The following SETDB1 variants were observed in gnomAD, a reference collection of about 807,000 sequenced individuals.
SETDB1 encodes SET domain bifurcated histone lysine methyltransferase 1, also known as histone-lysine N-methyltransferase SETDB1.
A neutral mutation model predicts 137.4 loss-of-function variants in SETDB1; 31 were observed. The observed-to-expected ratio is 0.23, with a 90% CI of 0.17 to 0.30. SETDB1 has a LOEUF of 0.30. Among genes scored for constraint, SETDB1 ranks in the 10% least tolerant of loss-of-function variants. The pLI is 1.00. For missense variants in SETDB1, 1,113 were observed against 1,631.5 expected (o/e 0.68, Z 5.47); for synonymous variants, 548 against 579.9 (o/e 0.95, Z 0.79).
chr1:150,952,848 T>C (rs1670531656), intron 14 of SETDB1, among the ~76,000 whole-genome samples: 1 of 151,984 alleles, frequency 6.6e-6, no homozygotes, highest in Non-Finnish European at 1.5e-5. Flanking sequence ...GATCGCACCA[T>C]TGCACTCCAG....
chr1:150,940,026 G>T (rs749055315), intron 4 of SETDB1, 52 bp downstream of exon 4: 15 of 1,456,650 alleles, frequency 1.0e-5, no homozygotes, highest in Non-Finnish European at 5.8e-6. Context: ...GAAAATAGGA[G>T]AATTTTTTGG....
intron 3 of SETDB1, among the ~76,000 whole-genome samples, chr1:150,931,150 C>T (rs1432865986): frequency 6.7e-6 from 1 of 149,784 alleles, no homozygotes; most frequent in African/African-American, 2.5e-5. Context: ...ATCCCAGCTA[C>T]TTGGGAGGCT....
At chr1:150,943,887 C>G (rs761251528) in intron 7 of SETDB1, 33 bp from the exon 8 acceptor site, 2 of 1,329,490 alleles carry the variant, frequency 1.5e-6, no homozygotes, top group African/African-American at 2.9e-5. Context: ...ATCATAACCC[C>G]CAGATCTTTC....
chr1:150,964,674 G>T lies in SETDB1; in HGVS notation c.*310G>T, dbSNP rs1313398252. The T allele has an allele frequency of 1.7e-6, 1 of 598,978 alleles. No individual in the cohort carries two copies. The highest frequency in any genetic ancestry group is 3.0e-6 in the Non-Finnish European group (1 of 336,536). The allele number at this position is 598,978 out of a possible 1,614,324, so 37.1% of individuals were successfully genotyped here. ...AGACTTTGTTCTTAGAATGGAGCCT[G>T]TGTATCTACTATCTCCAGTTTGTAT... On this transcript the variant is annotated 3_prime_UTR_variant, in exon 22 of 22. Transcript: ENST00000692827.
chr1:150,948,280 T>C (rs1670388026), intron 10 of SETDB1, among the ~76,000 whole-genome samples: 1 of 151,254 alleles, frequency 6.6e-6, no homozygotes, highest in South Asian at 2.1e-4. Flanking sequence ...ATTTTTTTTT[T>C]TTTTTTTTGA....
chr1:150,942,012 C>T (rs587715544), intron 5 of SETDB1, among the ~76,000 whole-genome samples: 2 of 151,772 alleles, frequency 1.3e-5, no homozygotes, highest in Non-Finnish European at 2.9e-5. Flanking sequence ...TGGTGGCGCA[C>T]GCCTGTAATC....
chr1:150,953,702 G>A (rs910644450), intron 14 of SETDB1, among the ~76,000 whole-genome samples: 3 of 151,776 alleles, frequency 2.0e-5, no homozygotes, highest in Non-Finnish European at 2.9e-5. Context: ...GATTGTGCAC[G>A]CCTGTAATCT....
At position 150,928,111 on chromosome 1, in the gene SETDB1, G is replaced by A. The variant is rs934381938; in HGVS notation, c.260+137G>A. On this transcript the variant is annotated intron_variant, in intron 2 of 21. Transcript: ENST00000692827. Reference sequence around the variant, plus strand: ...CTCGCTCTGTCACCCAAGCTAGAGTGCAGTGGAGTGATCCTGGCTCACTGC... The same window carrying A: ...CTCGCTCTGTCACCCAAGCTAGAGTACAGTGGAGTGATCCTGGCTCACTGC... The A allele has an allele frequency of 3.9e-5, 39 of 1,009,538 alleles. No homozygotes were observed. The African/African-American group carries it at 4.9e-4, about 13-fold the overall frequency. 62.5% of individuals were successfully genotyped at this position (1,009,538 alleles called of 1,614,324 possible). A position where few individuals can be genotyped will look rare whatever the true frequency, so the allele number is the denominator to read the frequency against.
chr1:150,959,522 G>A (rs756720572), intron 15 of SETDB1, among the ~76,000 whole-genome samples, 175 bp downstream of exon 15: 20 of 152,080 alleles, frequency 1.3e-4, no homozygotes, highest in Non-Finnish European at 2.6e-4. Context: ...AGACCAGAGA[G>A]GGACACAAGT....
At position 150,963,622 on chromosome 1, in the gene SETDB1, T is replaced by C; in HGVS notation, c.3553T>C (p.Ser1185Pro). Residue 1185 changes from serine to proline, a missense_variant, in exon 20 of 22, where the codon TCT (serine) becomes CCT (proline). Physicochemically the swap from Ser to Pro is moderately conservative, Grantham distance 74 (BLOSUM62 -1). Around this residue, in one of 11 missense-constraint regions of SETDB1, gnomAD observed 373 missense variants for 412.7 expected, o/e 0.90. Transcript: ENST00000692827. ...GIAIKSTNMA[S>P]VDKGESAPVR... ...TGCAATTAAATCAACCAACATGGCCTCTGTGGACAAGGGGGAGAGCGCACC... is the reference window on the plus strand; with the variant it reads ...TGCAATTAAATCAACCAACATGGCCCCTGTGGACAAGGGGGAGAGCGCACC... The C allele has an allele frequency of 1.2e-6, 2 of 1,614,184 alleles. No individual in the cohort carries two copies. The highest frequency in any genetic ancestry group is 3.3e-4 in the Middle Eastern group (2 of 6,058).
chr1:150,956,808 A>T (rs1277924041), intron 14 of SETDB1, among the ~76,000 whole-genome samples: 1 of 151,690 alleles, frequency 6.6e-6, no homozygotes, highest in Non-Finnish European at 1.5e-5. Flanking sequence ...CATGGGAAAT[A>T]ATCTTTTTTA....
At position 150,962,985 on chromosome 1, in the gene SETDB1, A is replaced by G. The variant is rs758935052; in HGVS notation, c.3306A>G (p.Thr1102=). ...TCCTGCTTCCCCAGGATGTCCTGAC[A>G]CTGTCCAGCAGCACAGAAAGTGAGG... The part of the protein sequence containing the change: ...SAQSNPDDVL[T]LSSSTESEGE... The change falls in exon 19 of 22, where the codon ACA becomes ACG. Residue 1102 remains threonine (T), a synonymous_variant. Transcript: ENST00000692827. 4.2e-5 allele frequency: 68 copies of G among 1,613,788 alleles called. 1 individual carries two copies. In the East Asian group the frequency reaches 1.2e-3, roughly 29 times the overall value.
At position 150,927,605 on chromosome 1, in the gene SETDB1, C is replaced by T. The variant is rs587742437; in HGVS notation, c.-11-99C>T. The stretch of plus-strand genomic sequence containing the variant: ...TGGAATATTTGAATAGAATAACAGG[C>T]AGCAGAGTAGGAATTAGTTTTATTA... On this transcript the variant is annotated intron_variant, in intron 1 of 21. Coordinates refer to ENST00000692827, the MANE Select transcript of SETDB1 (RefSeq NM_001366418.1). 6.9e-6 allele frequency: 7 copies of T among 1,017,578 alleles called. No individual in the cohort carries two copies. The African/African-American group carries it at 9.6e-5, about 14-fold the overall frequency. 63.0% of individuals were successfully genotyped at this position (1,017,578 alleles called of 1,614,324 possible). A position where few individuals can be genotyped will look rare whatever the true frequency, so the allele number is the denominator to read the frequency against.
chr1:150,960,297 A>T (rs1356129892), intron 15 of SETDB1, among the ~76,000 whole-genome samples: 3 of 151,870 alleles, frequency 2.0e-5, no homozygotes, highest in Non-Finnish European at 4.4e-5. Flanking sequence ...AACATGGTGA[A>T]ACGCCATCTC....
At position 150,950,620 on chromosome 1, in the gene SETDB1, C is replaced by G; in HGVS notation, c.1746C>G (p.Thr582=). 1 of 1,614,152 alleles carries G rather than the reference C, an allele frequency of 6.2e-7. No individual in the cohort carries two copies. Among genetic ancestry groups the G allele is most frequent in the Non-Finnish European group, 8.5e-7 (1 of 1,180,042 alleles). The change falls in exon 13 of 22, where the codon ACC becomes ACG. Residue 582 remains threonine (T), a synonymous_variant. Coordinates refer to ENST00000692827, the MANE Select transcript of SETDB1 (RefSeq NM_001366418.1). ...LFYLPHVCSY[T]CLSRVRPMRN... ...ACTTACCTCATGTCTGCAGCTATAC[C>G]TGTCTGTCTCGAGTCAGACCTATGA...
At chr1:150,945,809 C>T (rs922152252) in intron 9 of SETDB1, among the ~76,000 whole-genome samples, 6 of 152,046 alleles carry the variant, frequency 3.9e-5, no homozygotes, top group African/African-American at 1.2e-4. Context: ...CTGCATCTTC[C>T]GCCTCCTGGG....
chr1:150,930,752 G>T (rs906383093), intron 3 of SETDB1, among the ~76,000 whole-genome samples: 47 of 151,786 alleles, frequency 3.1e-4, no homozygotes, highest in Admixed American at 9.9e-4. Context: ...TGGCCAGGCT[G>T]GTCTTGAACT....
intron 14 of SETDB1, among the ~76,000 whole-genome samples, chr1:150,955,572 C>T (rs1226270266): frequency 1.3e-5 from 2 of 152,238 alleles, no homozygotes; most frequent in East Asian, 1.9e-4. Flanking sequence ...AAAGTCACCT[C>T]CTCAGAGAGA....
chr1:150,927,723 C>A lies in SETDB1; in HGVS notation c.9C>A (p.Ser3=). 6.2e-7 allele frequency: 1 copy of A among 1,613,824 alleles called. No individual in the cohort carries two copies. The highest frequency in any genetic ancestry group is 8.5e-7 in the Non-Finnish European group (1 of 1,179,832). The change falls in exon 2 of 22, where the codon TCC becomes TCA. Residue 3 remains serine, a synonymous_variant. Coordinates refer to ENST00000692827, the MANE Select transcript of SETDB1 (RefSeq NM_001366418.1). MS[S]LPGCIGLDAA... Reference sequence around the variant, plus strand: ...ATGCAGAGGACAAAAGCATGTCTTCCCTTCCTGGGTGCATTGGTTTGGATG... The same window carrying A: ...ATGCAGAGGACAAAAGCATGTCTTCACTTCCTGGGTGCATTGGTTTGGATG...
Sources: gnomAD v4.1 joint callset for allele counts (sites outside exome capture counted in the v4.1 genomes callset) on GRCh38, gnomAD v4.1.1 for gene constraint, gnomAD v4.1.1 regional missense constraint, MANE v1.5 for transcripts, NCBI Gene and HGNC (gene_info 2026-07-23, HGNC 2026-07-21) for gene names.